UROS: variants seen among roughly 807,000 people sequenced by gnomAD.
UROS encodes the protein uroporphyrinogen-III synthase.
A neutral mutation model predicts 33.0 loss-of-function variants in UROS; 18 were observed. The ratio of observed to expected loss-of-function variants is 0.55; its 90% CI spans 0.38 to 0.81. The LOEUF (loss-of-function observed/expected upper bound fraction) is 0.81, where lower values mean the gene tolerates loss of function less well. Ranked by LOEUF, UROS falls within the 30% of genes least tolerant of loss-of-function variation. The pLI is 0.00. For missense variants in UROS, 293 were observed against 314.9 expected (o/e 0.93, Z 0.53); for synonymous variants, 114 against 121.1 (o/e 0.94, Z 0.38).
chr10:125,798,414 T>C (rs181807465), intron 6 of UROS, among the ~76,000 whole-genome samples: 3 of 152,376 alleles, frequency 2.0e-5, no homozygotes, highest in Admixed American at 1.3e-4. Flanking sequence ...CACATTCTTT[T>C]AACTCCTTCT....
intron 9 of UROS, 56 bp downstream of exon 9, chr10:125,794,824 G>T: frequency 1.2e-5 from 17 of 1,446,604 alleles, no homozygotes; most frequent in Non-Finnish European, 1.6e-5. Context: ...AATTCATAAA[G>T]ATTAAAAAAA....
rs183877478 is a variant in UROS at position 125,796,603 on chromosome 10, G to A, written c.476-415C>T. On this transcript the variant is annotated intron_variant, in intron 7 of 9. Transcript: ENST00000368797. ...GGAGAGGCCTGGAGTCCAGATCCCC[G>A]GCTGCACTCCAGCTGTGCCTCCACA... 3.0e-3 allele frequency among the ~76,000 whole-genome samples: 458 copies of A among 152,274 alleles called. 1 individual carries two copies. The highest frequency in any genetic ancestry group is 0.01 in the African/African-American group (431 of 41,562).
intron 6 of UROS, among the ~76,000 whole-genome samples, chr10:125,806,092 C>A (rs955279011): frequency 2.6e-5 from 4 of 152,052 alleles, no homozygotes; most frequent in African/African-American, 7.2e-5. Context: ...CCCAGTAACA[C>A]AAAGAAAAAT....
rs1253408948 is a variant in UROS, at chr10:125,818,516, T to TAAC, written c.-26-1992_-26-1991insGTT. Among the ~76,000 whole-genome samples, 7 of 151,188 alleles carry TAAC rather than the reference T, an allele frequency of 4.6e-5. No homozygotes were observed. In the East Asian group the frequency reaches 1.2e-3, roughly 25 times the overall value. ...TAAATAATAATAATAATAATAATAATATAAAATTAAAAGGTTCTGTTGTTG... is the reference window on the plus strand; with the variant it reads ...TAAATAATAATAATAATAATAATAATAACATAAAATTAAAAGGTTCTGTTGTTG... On this transcript the variant is annotated intron_variant, in intron 1 of 9. Coordinates refer to ENST00000368797, the MANE Select transcript of UROS (RefSeq NM_000375.3).
At position 125,803,654 on chromosome 10, in the gene UROS, AGGCCTG is replaced by A. The variant is rs1433931713; in HGVS notation, c.394+3753_394+3758del. 6.9e-4 allele frequency among the ~76,000 whole-genome samples: 105 copies of A among 152,200 alleles called. 1 individual carries two copies. The highest frequency in any genetic ancestry group is 5.9e-5 in the Non-Finnish European group (4 of 68,022). On this transcript the variant is annotated intron_variant, in intron 6 of 9. Transcript: ENST00000368797. ...AGCAGGCAGTGTTGTGTTCCCGTCT[AGGCCTG>A]GGGAGGACCAATCCAGCCTGAGTCT...
chr10:125,816,583 T>C (rs1853346437), intron 1 of UROS, 58 bp from the exon 2 acceptor site: 18 of 1,543,178 alleles, frequency 1.2e-5, no homozygotes, highest in Non-Finnish European at 1.6e-5. Context: ...TCCTAAGCAA[T>C]TTCCGATGGG....
At position 125,807,369 on chromosome 10, in the gene UROS, C is replaced by G. The variant is rs375706613; in HGVS notation, c.394+44G>C. On this transcript the variant is annotated intron_variant, in intron 6 of 9. Transcript: ENST00000368797. ...CCCTAGGTAGTGGTTGTGAGGTCAA[C>G]AAAAAATAAATGGCTTCATTTGGAG... The G allele has an allele frequency of 1.3e-5, 20 of 1,571,754 alleles. No individual in the cohort carries two copies. The African/African-American group carries it at 1.5e-4, about 12-fold the overall frequency.
At chr10:125,811,906 A>G (rs1238619009) in intron 5 of UROS, among the ~76,000 whole-genome samples, 1 of 152,192 alleles carries the variant, frequency 6.6e-6, no homozygotes, top group African/African-American at 2.4e-5. Flanking sequence ...CACTAAGTGC[A>G]TAATTCAGTG....
rs1851408931 is a variant in UROS at position 125,796,794 on chromosome 10, T to C, written c.476-606A>G. 7 of 985,250 alleles carry C rather than the reference T, an allele frequency of 7.1e-6. No individual in the cohort carries two copies. The South Asian group carries it at 2.8e-4, about 40-fold the overall frequency. The allele number at this position is 985,250 out of a possible 1,614,324, so 61.0% of individuals were successfully genotyped here. A position where few individuals can be genotyped will look rare whatever the true frequency, so the allele number is the denominator to read the frequency against. ...CTAGGCACTGAAGGGACTCACGCAA[T>C]TTCAGTCAGATATTGACTTATGAGG... On this transcript the variant is annotated intron_variant, in intron 7 of 9. Transcript: ENST00000368797.
In UROS at chr10:125,788,853, C is replaced by T. The variant is rs376381784; in HGVS notation, c.*15G>A. 66 of 1,573,038 alleles carry T rather than the reference C, an allele frequency of 4.2e-5. 1 individual carries two copies. In the African/African-American group the frequency reaches 7.1e-4, roughly 17 times the overall value. ...GCCCAGGGAGGCTGCATGGGGCCAG[C>T]GCTAGGTGGCTGACTCAGCAGCAGC... On this transcript the variant is annotated 3_prime_UTR_variant, in exon 10 of 10. Transcript: ENST00000368797.
intron 8 of UROS, 108 bp from the exon 9 acceptor site, chr10:125,795,086 G>T: frequency 9.5e-7 from 1 of 1,057,842 alleles, no homozygotes; most frequent in Non-Finnish European, 1.5e-6. Context: ...CACCAAGGCG[G>T]TTTTAGCACA....
In UROS at chr10:125,801,982, C is replaced by T. The variant is rs1199577523; in HGVS notation, c.395-3837G>A. On this transcript the variant is annotated intron_variant, in intron 6 of 9. Coordinates refer to ENST00000368797, the MANE Select transcript of UROS (RefSeq NM_000375.3). ...TGAAAACAGGCAGGAGCCACCTATTCTATTAAAGAGCTAATTGTCAGCCAC... is the reference window on the plus strand; with the variant it reads ...TGAAAACAGGCAGGAGCCACCTATTTTATTAAAGAGCTAATTGTCAGCCAC... 10 of 981,314 alleles carry T rather than the reference C, an allele frequency of 1.0e-5. No individual in the cohort carries two copies. The South Asian group carries it at 4.2e-4, about 42-fold the overall frequency. The allele number at this position is 981,314 out of a possible 1,614,324, so 60.8% of individuals were successfully genotyped here. A position where few individuals can be genotyped will look rare whatever the true frequency, so the allele number is the denominator to read the frequency against.
downstream of UROS, among the ~76,000 whole-genome samples, chr10:125,788,204 T>A (rs932077173): frequency 6.6e-6 from 1 of 152,174 alleles, no homozygotes; most frequent in Non-Finnish European, 1.5e-5. Context: ...GGAATGAAGT[T>A]TGGGAACTTT....
downstream of UROS, among the ~76,000 whole-genome samples, chr10:125,787,038 C>T (rs1174765765): frequency 6.6e-6 from 1 of 152,260 alleles, no homozygotes; most frequent in African/African-American, 2.4e-5. Context: ...CTTCCTGATC[C>T]CAAACAGAAC....
chr10:125,810,376 T>C (rs1015588448), intron 5 of UROS, among the ~76,000 whole-genome samples: 2 of 152,170 alleles, frequency 1.3e-5, no homozygotes, highest in South Asian at 4.1e-4. Context: ...GGGAGGCCCA[T>C]GTGAGTGAGC....
intron 4 of UROS, among the ~76,000 whole-genome samples, chr10:125,814,189 C>T (rs1006651454): frequency 6.6e-6 from 1 of 152,168 alleles, no homozygotes; most frequent in African/African-American, 2.4e-5. Context: ...GTAGATAATC[C>T]CATTACTATT....
chr10:125,821,152 A>C (rs1219853811), intron 1 of UROS, among the ~76,000 whole-genome samples: 1 of 152,244 alleles, frequency 6.6e-6, no homozygotes, highest in Non-Finnish European at 1.5e-5. Context: ...ACCCCAAAGA[A>C]TTGAAAGCAG....
At chr10:125,817,625 C>T (rs562663168) in intron 1 of UROS, among the ~76,000 whole-genome samples, 6 of 74,754 alleles carry the variant, frequency 8.0e-5, no homozygotes, top group South Asian at 1.0e-3. Context: ...ATAAAAACAG[C>T]GAACAGATCT....
At chr10:125,815,471 GA>G (rs1343323435) in intron 3 of UROS, among the ~76,000 whole-genome samples, 4 of 152,298 alleles carry the variant, frequency 2.6e-5, no homozygotes, top group Non-Finnish European at 5.9e-5. Context: ...AGTGGGGGAA[GA>G]CTTGACCCGA....
Sources: allele counts gnomAD v4.1 joint callset (sites outside exome capture counted in the v4.1 genomes callset), GRCh38; gene constraint gnomAD v4.1.1; transcripts MANE v1.5; gene names NCBI Gene and HGNC (gene_info 2026-07-23, HGNC 2026-07-21).